LRRC4C: variants seen among roughly 807,000 people sequenced by gnomAD.
The protein encoded by LRRC4C is leucine rich repeat containing 4C, also known as leucine-rich repeat-containing protein 4C.
In LRRC4C, 5 loss-of-function variants were observed where a neutral mutation model predicts 33.6. The ratio of observed to expected loss-of-function variants is 0.15; its 90% CI spans 0.08 to 0.31. The LOEUF is 0.31. Ranked by LOEUF, LRRC4C falls within the 10% of genes least tolerant of loss-of-function variation. The pLI is 1.00. For missense variants in LRRC4C, 560 were observed against 796.7 expected, an observed-to-expected ratio of 0.70 and a Z score of 3.58; for synonymous variants, 329 against 302.0, an observed-to-expected ratio of 1.09 and a Z score of -0.93.
intron 3 of LRRC4C, among the ~76,000 whole-genome samples, chr11:40,391,468 C>T (rs1268833614): frequency 2.0e-5 from 3 of 152,158 alleles, no homozygotes; most frequent in Non-Finnish European, 4.4e-5. Context: ...AGCTTTATAA[C>T]AACGCTGTGA....
At chr11:41,453,428 C>T (rs1440409476) in intron 1 of LRRC4C, among the ~76,000 whole-genome samples, 1 of 152,054 alleles carries the variant, frequency 6.6e-6, no homozygotes, top group Non-Finnish European at 1.5e-5. Flanking sequence ...CTGATAGAGT[C>T]GGCCCTATTA....
intron 2 of LRRC4C, among the ~76,000 whole-genome samples, chr11:40,696,281 C>CATATATATATAT (rs753906826): frequency 2.4e-4 from 22 of 92,886 alleles, no homozygotes; most frequent in African/African-American, 1.6e-3. Flanking sequence ...CACAATGCCA[C>CATATATATATAT]ATATATATAT....
At chr11:41,026,638 C>T (rs1856384483) in intron 1 of LRRC4C, among the ~76,000 whole-genome samples, 1 of 150,874 alleles carries the variant, frequency 6.6e-6, no homozygotes, top group Admixed American at 6.6e-5. Context: ...TGGCAAATTG[C>T]ATTGTTTCTT....
chr11:40,405,908 G>A (rs1443244342), intron 3 of LRRC4C, among the ~76,000 whole-genome samples: 2 of 151,882 alleles, frequency 1.3e-5, no homozygotes, highest in Admixed American at 1.3e-4. Flanking sequence ...TAGATGATAT[G>A]GTAGGCAAGA....
chr11:40,405,799 A>G (rs150579124), intron 3 of LRRC4C, among the ~76,000 whole-genome samples: 4 of 151,000 alleles, frequency 2.6e-5, no homozygotes, highest in African/African-American at 9.7e-5. Flanking sequence ...CACAGGTTGG[A>G]AGCAAGAATT....
intron 5 of LRRC4C, among the ~76,000 whole-genome samples, chr11:40,205,020 C>T (rs1003646773): frequency 6.6e-6 from 1 of 152,174 alleles, no homozygotes; most frequent in African/African-American, 2.4e-5. Flanking sequence ...TGGTTCTACC[C>T]TTGGGGTCTG....
chr11:41,113,914 G>C (rs2135718381), intron 1 of LRRC4C, among the ~76,000 whole-genome samples: 1 of 151,962 alleles, frequency 6.6e-6, no homozygotes. Flanking sequence ...ATAAATATTA[G>C]AAGCACCATG....
At chr11:41,438,049 A>ATAAC (rs1955493214) in intron 1 of LRRC4C, among the ~76,000 whole-genome samples, 4 of 142,904 alleles carry the variant, frequency 2.8e-5, no homozygotes, top group Middle Eastern at 7.2e-3. Context: ...AAATAAATAA[A>ATAAC]TAAATAAATA....
intron 3 of LRRC4C, among the ~76,000 whole-genome samples, chr11:40,356,057 C>T (rs151194037): frequency 2.0e-5 from 3 of 152,050 alleles, no homozygotes; most frequent in African/African-American, 7.2e-5. Flanking sequence ...AGCTCTGGCA[C>T]TCAGTGACTG....
At chr11:41,323,687 C>T (rs1951023064) in intron 1 of LRRC4C, among the ~76,000 whole-genome samples, 1 of 152,156 alleles carries the variant, frequency 6.6e-6, no homozygotes, top group Non-Finnish European at 1.5e-5. Context: ...ACACCACTCA[C>T]ATTGGCAGGA....
chr11:40,696,000 C>A, intron 2 of LRRC4C, among the ~76,000 whole-genome samples: 1 of 142,932 alleles, frequency 7.0e-6, no homozygotes, highest in African/African-American at 2.7e-5. Flanking sequence ...TATATATGTA[C>A]ATGTAGTATA....
intron 1 of LRRC4C, among the ~76,000 whole-genome samples, chr11:40,982,676 T>C (rs908669164): frequency 6.6e-6 from 1 of 152,146 alleles, no homozygotes. Context: ...AAACCTTCAT[T>C]ATAACTTAAG....
chr11:40,619,801 CT>C (rs1384011849), intron 3 of LRRC4C, among the ~76,000 whole-genome samples: 1 of 151,258 alleles, frequency 6.6e-6, no homozygotes, highest in African/African-American at 2.4e-5. Flanking sequence ...TTCAGTAACT[CT>C]TTATTTAACT....
intron 2 of LRRC4C, among the ~76,000 whole-genome samples, chr11:40,769,798 T>C (rs1185845564): frequency 6.6e-6 from 1 of 152,086 alleles, no homozygotes; most frequent in African/African-American, 2.4e-5. Flanking sequence ...AAAACTAGAC[T>C]TCTATCTCTT....
At chr11:41,040,724 A>G (rs1049383400) in intron 1 of LRRC4C, among the ~76,000 whole-genome samples, 9 of 152,320 alleles carry the variant, frequency 5.9e-5, no homozygotes, top group African/African-American at 2.2e-4. Context: ...TCCCCAATTT[A>G]TACAAAGTAT....
chr11:41,121,697 G>A (rs938860330), intron 1 of LRRC4C, among the ~76,000 whole-genome samples: 1 of 152,152 alleles, frequency 6.6e-6, no homozygotes, highest in Non-Finnish European at 1.5e-5. Context: ...CAGATCACAG[G>A]AGGGGGTTAG....
chr11:41,293,913 G>A (rs1475645592), intron 1 of LRRC4C, among the ~76,000 whole-genome samples: 2 of 151,942 alleles, frequency 1.3e-5, no homozygotes, highest in Non-Finnish European at 2.9e-5. Flanking sequence ...ATTAAACACA[G>A]CAATATATGC....
intron 2 of LRRC4C, among the ~76,000 whole-genome samples, chr11:40,690,308 T>A (rs916565724): frequency 2.6e-5 from 4 of 152,040 alleles, no homozygotes; most frequent in African/African-American, 9.7e-5. Flanking sequence ...CTCAAAGAAG[T>A]TAAGAAATAT....
chr11:40,783,973 G>T (rs181726267), intron 2 of LRRC4C, among the ~76,000 whole-genome samples: 1 of 151,808 alleles, frequency 6.6e-6, no homozygotes, highest in African/African-American at 2.4e-5. Flanking sequence ...GACAAATACC[G>T]CTATTTAAAA....
Sources: allele counts gnomAD v4.1 joint callset (sites outside exome capture counted in the v4.1 genomes callset), GRCh38; gene constraint gnomAD v4.1.1; transcripts MANE v1.5; gene names NCBI Gene and HGNC (gene_info 2026-07-23, HGNC 2026-07-21).